SLC25A21: variants seen among roughly 807,000 people sequenced by gnomAD.
SLC25A21 encodes the protein solute carrier family 25 member 21.
Under a neutral mutation model 43.8 loss-of-function variants are expected in SLC25A21, and 47 were observed. That is an observed-to-expected ratio of 1.07 (90% CI 0.85 to 1.37). The LOEUF (loss-of-function observed/expected upper bound fraction) is 1.37, where lower values mean the gene tolerates loss of function less well. Ranked by LOEUF, SLC25A21 falls within the 40% of genes most tolerant of loss-of-function variation. The pLI, the probability that SLC25A21 is intolerant of heterozygous loss-of-function variation, is 0.00. For synonymous variants in SLC25A21, 131 were observed against 121.3 expected, an observed-to-expected ratio of 1.08 and a Z score of -0.52; for missense variants, 352 against 350.2, an observed-to-expected ratio of 1.00 and a Z score of -0.04.
At chr14:36,936,840 T>C (rs1892436636) in intron 1 of SLC25A21, among the ~76,000 whole-genome samples, 1 of 152,184 alleles carries the variant, frequency 6.6e-6, no homozygotes. Flanking sequence ...TGATATTCAT[T>C]GAGAAACATG....
rs376769179 is a variant in SLC25A21, at chr14:37,056,520, G to GT, written c.70+115760dup. Reference sequence around the variant, plus strand: ...AAAAAAAAAAATTACCTAGTCTCAGGTATGTCTTTAGAGCCAGCATAAGAA... The same window carrying GT: ...AAAAAAAAAAATTACCTAGTCTCAGGTTATGTCTTTAGAGCCAGCATAAGAA... On this transcript the variant is annotated intron_variant, in intron 1 of 9. Transcript: ENST00000331299. 6.3e-3 allele frequency among the ~76,000 whole-genome samples: 951 copies of GT among 151,858 alleles called. 11 individuals are homozygous for GT. The highest frequency in any genetic ancestry group is 0.02 in the African/African-American group (828 of 41,402).
At chr14:37,150,941 T>C (rs774612967) in intron 1 of SLC25A21, among the ~76,000 whole-genome samples, 5 of 152,230 alleles carry the variant, frequency 3.3e-5, no homozygotes, top group Admixed American at 6.5e-5. Flanking sequence ...TTTTTCACAA[T>C]TGTATTATTC....
intron 1 of SLC25A21, among the ~76,000 whole-genome samples, chr14:37,166,101 A>G (rs932580023): frequency 5.3e-5 from 8 of 152,294 alleles, no homozygotes; most frequent in African/African-American, 1.7e-4. Flanking sequence ...CCTTCCCCCA[A>G]GTGAACACGT....
intron 3 of SLC25A21, among the ~76,000 whole-genome samples, chr14:36,742,375 T>C (rs914010762): frequency 6.6e-6 from 1 of 152,210 alleles, no homozygotes; most frequent in African/African-American, 2.4e-5. Context: ...ATGGATCGTG[T>C]ATCCCAGACC....
At chr14:37,000,615 T>C (rs574343031) in intron 1 of SLC25A21, among the ~76,000 whole-genome samples, 33 of 152,222 alleles carry the variant, frequency 2.2e-4, no homozygotes, top group Non-Finnish European at 4.3e-4. Context: ...ATCTGAGAGA[T>C]CTTCTGATGT....
intron 7 of SLC25A21, among the ~76,000 whole-genome samples, chr14:36,692,563 G>T (rs1011830262): frequency 6.6e-6 from 1 of 152,208 alleles, no homozygotes; most frequent in Admixed American, 6.5e-5. Context: ...CTGGCTGCTA[G>T]CTTGATAAAC....
rs374048965 is a variant in SLC25A21 at position 37,065,144 on chromosome 14, T to A, written c.70+107137A>T. On this transcript the variant is annotated intron_variant, in intron 1 of 9. Coordinates refer to ENST00000331299, the MANE Select transcript of SLC25A21 (RefSeq NM_030631.4). ...TATGGTACTTTGGGGAAAGGATTTG[T>A]TCAGAGAAGCCTTTATGGATGAGGT... Among the ~76,000 whole-genome samples the A allele has an allele frequency of 2.0e-5, 3 of 152,122 alleles. No homozygotes were observed. The East Asian group carries it at 5.8e-4, about 29-fold the overall frequency.
chr14:36,772,930 C>A (rs1200971389), intron 3 of SLC25A21, among the ~76,000 whole-genome samples: 5 of 152,026 alleles, frequency 3.3e-5, no homozygotes, highest in South Asian at 2.1e-4. Context: ...ATGAACATAC[C>A]GATTGCCTAT....
Position 37,044,297 on chromosome 14 carries a change from T to C in SLC25A21, c.70+127984A>G, listed in dbSNP as rs140196359. On this transcript the variant is annotated intron_variant, in intron 1 of 9. Transcript: ENST00000331299. ...TGGCTTTCCTTTTTTAATAGCCTTA[T>C]AATCTTAGGTTACCAATATATATAA... 2.6e-3 allele frequency among the ~76,000 whole-genome samples: 399 copies of C among 152,272 alleles called. 1 individual carries two copies. The highest frequency in any genetic ancestry group is 0.01 in the Middle Eastern group (3 of 294).
At chr14:36,938,074 C>G (rs1468007352) in intron 1 of SLC25A21, among the ~76,000 whole-genome samples, 1 of 152,004 alleles carries the variant, frequency 6.6e-6, no homozygotes, top group African/African-American at 2.4e-5. Context: ...GGGTGCTCAG[C>G]AAAATGCTGC....
intron 7 of SLC25A21, among the ~76,000 whole-genome samples, chr14:36,703,599 C>T: frequency 6.6e-6 from 1 of 152,188 alleles, no homozygotes; most frequent in African/African-American, 2.4e-5. Context: ...AACCTGCAAA[C>T]ATCCTTAATT....
chr14:36,985,075 A>T (rs796513890), intron 1 of SLC25A21, among the ~76,000 whole-genome samples: 1 of 151,584 alleles, frequency 6.6e-6, no homozygotes, highest in African/African-American at 2.4e-5. Flanking sequence ...CTATCACAAG[A>T]ACAAAAAACC....
chr14:37,156,599 A>C (rs1270591545), intron 1 of SLC25A21, among the ~76,000 whole-genome samples: 2 of 151,992 alleles, frequency 1.3e-5, no homozygotes, highest in Non-Finnish European at 2.9e-5. Flanking sequence ...CTCCAGACAA[A>C]CAGAAACCAA....
At chr14:37,001,108 A>G (rs545943241) in intron 1 of SLC25A21, among the ~76,000 whole-genome samples, 1 of 152,222 alleles carries the variant, frequency 6.6e-6, no homozygotes, top group South Asian at 2.1e-4. Flanking sequence ...TTCTGATTTT[A>G]TATGCCTATT....
At chr14:36,925,068 A>C (rs1892093616) in intron 1 of SLC25A21, among the ~76,000 whole-genome samples, 1 of 152,192 alleles carries the variant, frequency 6.6e-6, no homozygotes, top group Admixed American at 6.6e-5. Context: ...CATAAACCCC[A>C]AGCAAGTGCT....
chr14:36,695,248 C>T (rs946113084), intron 7 of SLC25A21, among the ~76,000 whole-genome samples: 1 of 152,156 alleles, frequency 6.6e-6, no homozygotes, highest in Non-Finnish European at 1.5e-5. Flanking sequence ...TCTGAGGCCT[C>T]TGTTCTGTTC....
intron 1 of SLC25A21, among the ~76,000 whole-genome samples, chr14:36,918,077 T>C (rs938300920): frequency 6.6e-6 from 1 of 152,180 alleles, no homozygotes; most frequent in Non-Finnish European, 1.5e-5. Context: ...AGACACTTTA[T>C]GTGACTCTGC....
intron 3 of SLC25A21, among the ~76,000 whole-genome samples, chr14:36,772,971 C>G (rs1405564178): frequency 6.6e-6 from 1 of 152,026 alleles, no homozygotes; most frequent in Non-Finnish European, 1.5e-5. Context: ...TATGAACTGG[C>G]TTGGTGATAA....
intron 1 of SLC25A21, among the ~76,000 whole-genome samples, chr14:37,046,504 T>C (rs1297768572): frequency 1.3e-5 from 2 of 152,204 alleles, no homozygotes; most frequent in African/African-American, 2.4e-5. Context: ...AGAATAAAAA[T>C]TGATTTGATT....
Sources: gnomAD v4.1 joint callset for allele counts (sites outside exome capture counted in the v4.1 genomes callset) on GRCh38, gnomAD v4.1.1 for gene constraint, MANE v1.5 for transcripts, NCBI Gene and HGNC (gene_info 2026-07-23, HGNC 2026-07-21) for gene names.